Variants in MED15 observed in about 807,000 individuals in gnomAD.
MED15 encodes the protein mediator complex subunit 15.
A neutral mutation model predicts 118.7 loss-of-function variants in MED15; 41 were observed. That is an observed-to-expected ratio of 0.35 (90% CI 0.27 to 0.45). MED15 has a LOEUF of 0.45. Ranked by LOEUF, MED15 falls within the 20% of genes least tolerant of loss-of-function variation. MED15 has a pLI of 1.00. For missense variants in MED15, 740 were observed against 1,025.5 expected, an observed-to-expected ratio of 0.72 and a Z score of 3.80; for synonymous variants, 436 against 413.9, an observed-to-expected ratio of 1.05 and a Z score of -0.65.
intron 1 of MED15, among the ~76,000 whole-genome samples, chr22:20,520,180 T>A (rs2054396314): frequency 6.6e-6 from 1 of 152,178 alleles, no homozygotes; most frequent in Admixed American, 6.5e-5. Flanking sequence ...TTGCTTCTTC[T>A]TATGTTGGTG....
chr22:20,555,438 T>C (rs953679167), intron 5 of MED15, among the ~76,000 whole-genome samples: 1 of 152,156 alleles, frequency 6.6e-6, no homozygotes, highest in Non-Finnish European at 1.5e-5. Context: ...CTGAAATAGA[T>C]ACAGTGTGTT....
intron 9 of MED15, among the ~76,000 whole-genome samples, chr22:20,575,516 T>C (rs928781763): frequency 6.6e-6 from 1 of 152,060 alleles, no homozygotes; most frequent in African/African-American, 2.4e-5. Context: ...AAGTTTTGCT[T>C]TCTAGAGCTG....
chr22:20,522,129 C>G (rs2054485962), intron 1 of MED15: 1 of 152,194 alleles, frequency 6.6e-6, no homozygotes, highest in Non-Finnish European at 1.5e-5. Flanking sequence ...CAGATGTTGG[C>G]TACATGAAGG....
intron 8 of MED15, among the ~76,000 whole-genome samples, chr22:20,572,445 G>A (rs2056694940): frequency 6.6e-6 from 1 of 152,242 alleles, no homozygotes; most frequent in Non-Finnish European, 1.5e-5. Flanking sequence ...TCAGGCCCTT[G>A]CAGTACTGTG....
intron 1 of MED15, among the ~76,000 whole-genome samples, chr22:20,530,471 C>T (rs1192335003): frequency 6.6e-6 from 1 of 152,130 alleles, no homozygotes; most frequent in East Asian, 1.9e-4. Flanking sequence ...CACCTTCCTG[C>T]TTTAGACACC....
At chr22:20,513,512 C>G (rs1055663991) in intron 1 of MED15, among the ~76,000 whole-genome samples, 3 of 152,194 alleles carry the variant, frequency 2.0e-5, no homozygotes, top group Non-Finnish European at 4.4e-5. Flanking sequence ...CTCCCAACCT[C>G]ATGACCCACC....
At position 20,534,447 on chromosome 22, in the gene MED15, C is replaced by T. The variant is rs192113436; in HGVS notation, c.69-2670C>T. Reference sequence around the variant, plus strand: ...GGCTGAGGTGAGAGGATACTTGAGCCCAGGAGTTTGAAGCTGCAGTGAGCT... The same window carrying T: ...GGCTGAGGTGAGAGGATACTTGAGCTCAGGAGTTTGAAGCTGCAGTGAGCT... On this transcript the variant is annotated intron_variant, in intron 1 of 17. Transcript: ENST00000263205. Among the ~76,000 whole-genome samples, 8 of 152,156 alleles carry T rather than the reference C, an allele frequency of 5.3e-5. No individual in the cohort carries two copies. The East Asian group carries it at 1.4e-3, about 26-fold the overall frequency.
At chr22:20,564,192 A>T (rs1242135453) in intron 5 of MED15, among the ~76,000 whole-genome samples, 1 of 152,194 alleles carries the variant, frequency 6.6e-6, no homozygotes. Context: ...TAGGCTTCTT[A>T]TTTATCCAAA....
At chr22:20,522,632 A>G (rs2054502607) in intron 1 of MED15, 1 of 152,258 alleles carries the variant, frequency 6.6e-6, no homozygotes, top group African/African-American at 2.4e-5. Flanking sequence ...CTCCTGCCAC[A>G]GCCTCTCTAC....
chr22:20,579,377 T>G (rs529309427), intron 9 of MED15, among the ~76,000 whole-genome samples: 2 of 152,290 alleles, frequency 1.3e-5, no homozygotes, highest in African/African-American at 4.8e-5. Flanking sequence ...CATTTGTTTT[T>G]CTTCCCACTA....
At chr22:20,530,840 C>T (rs1420195460) in intron 1 of MED15, among the ~76,000 whole-genome samples, 2 of 152,144 alleles carry the variant, frequency 1.3e-5, no homozygotes, top group Admixed American at 6.6e-5. Flanking sequence ...CCTGAGGGAG[C>T]TGCACATGCT....
At chr22:20,540,372 G>T (rs1403818864) in intron 2 of MED15, among the ~76,000 whole-genome samples, 5 of 152,114 alleles carry the variant, frequency 3.3e-5, no homozygotes, top group African/African-American at 1.2e-4. Context: ...AAAATATTGA[G>T]GTTGAGCCCC....
intron 9 of MED15, among the ~76,000 whole-genome samples, chr22:20,580,869 C>A (rs188960746): frequency 6.6e-6 from 1 of 152,346 alleles, no homozygotes; most frequent in African/African-American, 2.4e-5. Context: ...CCGTTTCTGA[C>A]CTTGCTAACC....
chr22:20,518,109 G>A (rs1466270794), intron 1 of MED15, among the ~76,000 whole-genome samples: 3 of 152,218 alleles, frequency 2.0e-5, no homozygotes, highest in Admixed American at 1.3e-4. Context: ...CGTCAACATC[G>A]ACAAGCGCTT....
At chr22:20,509,568 C>T (rs974040643) in intron 1 of MED15, among the ~76,000 whole-genome samples, 2 of 146,040 alleles carry the variant, frequency 1.4e-5, no homozygotes, top group Non-Finnish European at 3.0e-5. Flanking sequence ...TTCTTGATGA[C>T]TAACTGGATG....
chr22:20,572,440 C>A (rs904867030), intron 8 of MED15, among the ~76,000 whole-genome samples: 1 of 152,246 alleles, frequency 6.6e-6, no homozygotes, highest in African/African-American at 2.4e-5. Context: ...CCCTGTCAGG[C>A]CCTTGCAGTA....
intron 5 of MED15, among the ~76,000 whole-genome samples, chr22:20,557,403 C>T (rs567412799): frequency 2.0e-5 from 3 of 152,318 alleles, no homozygotes; most frequent in South Asian, 2.1e-4. Context: ...ACTCTCAGCA[C>T]GTGCTGGTTT....
chr22:20,580,119 CCT>C (rs1417181866), intron 9 of MED15, among the ~76,000 whole-genome samples: 1 of 152,116 alleles, frequency 6.6e-6, no homozygotes, highest in Non-Finnish European at 1.5e-5. Context: ...TAGAAATCTC[CCT>C]GTCTCCCATC....
At chr22:20,571,156 G>A (rs560878478) in intron 8 of MED15, among the ~76,000 whole-genome samples, 11 of 152,318 alleles carry the variant, frequency 7.2e-5, no homozygotes, top group African/African-American at 1.4e-4. Context: ...TGGTATGTTC[G>A]TTAGGCTTCT....
Sources: gnomAD v4.1 joint callset for allele counts (sites outside exome capture counted in the v4.1 genomes callset) on GRCh38, gnomAD v4.1.1 for gene constraint, MANE v1.5 for transcripts, NCBI Gene and HGNC (gene_info 2026-07-23, HGNC 2026-07-21) for gene names.